Variants in ACER3 observed in about 807,000 individuals in gnomAD.
ACER3 encodes alkCDase 3.
A neutral mutation model predicts 48.9 loss-of-function variants in ACER3; 16 were observed. The ratio of observed to expected loss-of-function variants is 0.33; its 90% CI spans 0.22 to 0.50. The LOEUF is 0.50. ACER3 is among the 20% of genes least tolerant of loss of function. ACER3 has a pLI of 0.98. For missense variants in ACER3, 227 were observed against 326.0 expected (o/e 0.70, Z 2.34); for synonymous variants, 109 against 107.8 (o/e 1.01, Z -0.07).
At chr11:76,926,320 GT>G (rs1218625138) in intron 1 of ACER3, among the ~76,000 whole-genome samples, 5 of 152,058 alleles carry the variant, frequency 3.3e-5, no homozygotes, top group Non-Finnish European at 5.9e-5. Context: ...ATTTCCTTTA[GT>G]GGGTTTGCTG....
chr11:76,953,481 C>T (rs951197348), intron 2 of ACER3, among the ~76,000 whole-genome samples: 2 of 151,992 alleles, frequency 1.3e-5, no homozygotes, highest in African/African-American at 4.8e-5. Context: ...GCCTGTAATC[C>T]CAGCTACTCA....
At chr11:76,868,387 CTCTCTG>C (rs1181415149) in intron 1 of ACER3, 5,796 of 415,052 alleles carry the variant, frequency 0.014, 42 homozygotes, top group Middle Eastern at 0.042. Context: ...CTCTCTCTCT[CTCTCTG>C]TGTGTGTGTG....
chr11:76,863,905 G>A (rs1945005483), intron 1 of ACER3, among the ~76,000 whole-genome samples: 3 of 152,152 alleles, frequency 2.0e-5, no homozygotes, highest in Non-Finnish European at 4.4e-5. Context: ...TACTATCCAT[G>A]TTACCTCTCC....
rs1434309618 is a variant in ACER3 at position 77,005,989 on chromosome 11, ATATT to A, written c.497+7170_497+7173del. Among the ~76,000 whole-genome samples, 846 of 93,810 alleles carry A rather than the reference ATATT, an allele frequency of 9.0e-3. 11 individuals carry two copies. Among genetic ancestry groups the A allele is most frequent in the African/African-American group, 0.036 (822 of 23,146 alleles). The allele number at this position is 93,810 out of a possible 152,430, so 61.5% of individuals were successfully genotyped here. A position where few individuals can be genotyped will look rare whatever the true frequency, so the allele number is the denominator to read the frequency against. On this transcript the variant is annotated intron_variant, in intron 7 of 10. Transcript: ENST00000532485. ...TATATATACATATATATATATATATATATTTTTTTTTTTTTTTGAGCCAGAGTTT... is the reference window on the plus strand; with the variant it reads ...TATATATACATATATATATATATATATTTTTTTTTTTTTGAGCCAGAGTTT...
chr11:77,023,310 T>C lies in ACER3; in HGVS notation c.*2983T>C, dbSNP rs1949499794. The C allele has an allele frequency of 2.5e-6, 1 of 395,650 alleles. No homozygotes were observed. 24.5% of individuals were successfully genotyped at this position (395,650 alleles called of 1,614,324 possible). A position where few individuals can be genotyped will look rare whatever the true frequency, so the allele number is the denominator to read the frequency against. The stretch of plus-strand genomic sequence containing the variant: ...ACTTCCCTTACCCTAAGAGGGTTTT[T>C]CTTATAATAAGGAGAAGAGGTGTGG... On this transcript the variant is annotated 3_prime_UTR_variant, in exon 11 of 11. Coordinates refer to ENST00000532485, the MANE Select transcript of ACER3 (RefSeq NM_018367.7).
chr11:76,990,474 G>T, intron 5 of ACER3, 65 bp from the exon 6 acceptor site: 1 of 1,116,560 alleles, frequency 9.0e-7, no homozygotes, highest in Non-Finnish European at 1.4e-6. Flanking sequence ...CAGAGTAATT[G>T]GAGTCGGTTT....
chr11:76,950,416 A>G (rs1947630959), intron 2 of ACER3, among the ~76,000 whole-genome samples: 1 of 103,102 alleles, frequency 9.7e-6, no homozygotes, highest in South Asian at 3.5e-4. Flanking sequence ...TATATAATTT[A>G]CACATGTAAG....
chr11:76,998,608 T>G lies in ACER3; in HGVS notation c.439-155T>G, dbSNP rs146987081. The G allele has an allele frequency of 1.9e-3, 1,076 of 560,042 alleles. 12 individuals carry two copies. The African/African-American group carries it at 0.019, about 10-fold the overall frequency. 34.7% of individuals were successfully genotyped at this position (560,042 alleles called of 1,614,324 possible). ...TTCCTCAGAAGTTAGCATGATTTAG[T>G]GATTTAACACATTTTTTAACATTCT... On this transcript the variant is annotated intron_variant, in intron 6 of 10. Transcript: ENST00000532485.
In ACER3 at chr11:77,020,332, T is replaced by A; in HGVS notation, c.*5T>A. The A allele has an allele frequency of 2.5e-6, 4 of 1,613,194 alleles. No homozygotes were observed. Among genetic ancestry groups the A allele is most frequent in the Non-Finnish European group, 3.4e-6 (4 of 1,179,786 alleles). On this transcript the variant is annotated 3_prime_UTR_variant, in exon 11 of 11. Coordinates refer to ENST00000532485, the MANE Select transcript of ACER3 (RefSeq NM_018367.7). ...GAGCCTCTCAGGAAGCATTGATGAA[T>A]CATTCCACCAAGAAAACAAACAAGC...
At chr11:76,957,392 CAG>C (rs1346612688) in intron 2 of ACER3, 2 of 384,096 alleles carry the variant, frequency 5.2e-6, no homozygotes, top group Non-Finnish European at 1.0e-5. Context: ...TATTGAAGCA[CAG>C]AATTATTGAA....
chr11:76,934,017 G>A (rs1395753415), intron 2 of ACER3, among the ~76,000 whole-genome samples: 1 of 151,682 alleles, frequency 6.6e-6, no homozygotes, highest in African/African-American at 2.4e-5. Flanking sequence ...ACGGGGCGGC[G>A]GGGCAGAGGC....
intron 1 of ACER3, among the ~76,000 whole-genome samples, chr11:76,907,856 G>A (rs1946273657): frequency 6.6e-6 from 1 of 152,090 alleles, no homozygotes; most frequent in Non-Finnish European, 1.5e-5. Flanking sequence ...GGGCGACACA[G>A]TGAGATCCTG....
chr11:76,868,409 G>A lies in ACER3; in HGVS notation c.103+7330G>A, dbSNP rs1945158597. On this transcript the variant is annotated intron_variant, in intron 1 of 10. Transcript: ENST00000532485. ...TCTCTCTCTGTGTGTGTGTGTGTGT[G>A]TGTGTGTGTGTGTGTGTGTGTGTAT... 4 of 546,660 alleles carry A rather than the reference G, an allele frequency of 7.3e-6. No homozygotes were observed. In the South Asian group the frequency reaches 8.2e-5, roughly 11 times the overall value. 33.9% of individuals were successfully genotyped at this position (546,660 alleles called of 1,614,324 possible). A position where few individuals can be genotyped will look rare whatever the true frequency, so the allele number is the denominator to read the frequency against.
intron 3 of ACER3, among the ~76,000 whole-genome samples, chr11:76,975,086 T>C (rs1418588020): frequency 6.6e-6 from 1 of 152,236 alleles, no homozygotes; most frequent in African/African-American, 2.4e-5. Context: ...GCTCTCTTCC[T>C]ACTTCCTAGA....
intron 1 of ACER3, among the ~76,000 whole-genome samples, chr11:76,881,968 C>T (rs1945536701): frequency 6.7e-6 from 1 of 148,684 alleles, no homozygotes; most frequent in Non-Finnish European, 1.5e-5. Context: ...TTTATAGGTT[C>T]ATTAGGATCT....
intron 3 of ACER3, among the ~76,000 whole-genome samples, chr11:76,975,778 A>G (rs1948424077): frequency 6.6e-6 from 1 of 152,180 alleles, no homozygotes; most frequent in East Asian, 1.9e-4. Flanking sequence ...TTGTTCAAAA[A>G]CAGTAAACTA....
intron 2 of ACER3, among the ~76,000 whole-genome samples, chr11:76,937,067 C>T (rs554571386): frequency 4.6e-5 from 7 of 152,078 alleles, no homozygotes; most frequent in South Asian, 2.1e-4. Context: ...AATAGGAAAA[C>T]GTGGTCAAAT....
At chr11:76,995,369 A>G (rs2135246098) in intron 6 of ACER3, among the ~76,000 whole-genome samples, 1 of 152,326 alleles carries the variant, frequency 6.6e-6, no homozygotes, top group Non-Finnish European at 1.5e-5. Flanking sequence ...TTAACTTAGC[A>G]GAGAGGCCTT....
At chr11:76,956,532 G>A (rs1947846216) in intron 2 of ACER3, among the ~76,000 whole-genome samples, 1 of 151,994 alleles carries the variant, frequency 6.6e-6, no homozygotes, top group South Asian at 2.1e-4. Context: ...TAATGGCTCT[G>A]TGAGCAAAAG....
Sources: gnomAD v4.1 joint callset for allele counts (sites outside exome capture counted in the v4.1 genomes callset) on GRCh38, gnomAD v4.1.1 for gene constraint, MANE v1.5 for transcripts, NCBI Gene and HGNC (gene_info 2026-07-23, HGNC 2026-07-21) for gene names.